The following SRPK2 variants were observed in gnomAD, a reference collection of about 807,000 sequenced individuals.
The protein encoded by SRPK2 is SRSF protein kinase 2.
In SRPK2, 21 loss-of-function variants were observed where a neutral mutation model predicts 90.8. The observed-to-expected ratio is 0.23, with a 90% CI of 0.16 to 0.33. The LOEUF (loss-of-function observed/expected upper bound fraction) is 0.33, where lower values mean the gene tolerates loss of function less well. SRPK2 is among the 10% of genes least tolerant of loss of function. The pLI, the probability that SRPK2 is intolerant of heterozygous loss-of-function variation, is 1.00. For synonymous variants in SRPK2, 288 were observed against 311.1 expected (o/e 0.93, Z 0.78); for missense variants, 620 against 869.0 (o/e 0.71, Z 3.60).
upstream of SRPK2, among the ~76,000 whole-genome samples, chr7:105,392,426 TC>T (rs1822203594): frequency 6.6e-6 from 1 of 152,232 alleles, no homozygotes; most frequent in Non-Finnish European, 1.5e-5. Flanking sequence ...GAATATCTCT[TC>T]CCTGACAATA....
rs571654127 is a variant in SRPK2, at chr7:105,278,271, C to G, written c.72-74486G>C. Among the ~76,000 whole-genome samples the G allele has an allele frequency of 6.1e-4, 91 of 148,442 alleles. No individual in the cohort carries two copies. The Middle Eastern group carries it at 0.01, about 17-fold the overall frequency. On this transcript the variant is annotated intron_variant, in intron 2 of 15. Coordinates refer to ENST00000393651, the MANE Select transcript of SRPK2 (RefSeq NM_182692.3). ...CAGAGGTTGCAGTGAGCTGAGATCA[C>G]GCTACTGCACTCCAGCCTGGGCGAC...
chr7:105,393,568 C>G (rs564897556), upstream of SRPK2, among the ~76,000 whole-genome samples: 18 of 131,786 alleles, frequency 1.4e-4, no homozygotes, highest in African/African-American at 5.1e-4. Context: ...ACAAAAATTA[C>G]TGTCACTATT....
At chr7:105,249,535 C>T (rs1203803630) in intron 2 of SRPK2, among the ~76,000 whole-genome samples, 1 of 151,710 alleles carries the variant, frequency 6.6e-6, no homozygotes, top group African/African-American at 2.4e-5. Flanking sequence ...ACTAAGTTCC[C>T]AGACTCTAAA....
intron 2 of SRPK2, among the ~76,000 whole-genome samples, chr7:105,268,550 A>T (rs1805403831): frequency 6.6e-6 from 1 of 152,224 alleles, no homozygotes; most frequent in Admixed American, 6.5e-5. Flanking sequence ...AACAGCTGTC[A>T]CACATGAACC....
At chr7:105,388,415 G>A (rs994007020) in intron 2 of SRPK2, among the ~76,000 whole-genome samples, 3 of 147,724 alleles carry the variant, frequency 2.0e-5, no homozygotes, top group African/African-American at 7.4e-5. Flanking sequence ...GGGGCGGGAG[G>A]TCGCGGGGTC....
intron 2 of SRPK2, among the ~76,000 whole-genome samples, chr7:105,243,663 C>T (rs965010374): frequency 2.0e-5 from 3 of 146,620 alleles, no homozygotes; most frequent in Non-Finnish European, 4.5e-5. Flanking sequence ...ACATGCCAAG[C>T]AATCTCAAAT....
intron 3 of SRPK2, among the ~76,000 whole-genome samples, chr7:105,172,674 G>A (rs949125294): frequency 1.3e-5 from 2 of 152,114 alleles, no homozygotes; most frequent in Non-Finnish European, 2.9e-5. Context: ...CTAGGTTCAC[G>A]GCTGGAAACT....
chr7:105,118,141 A>G, intron 15 of SRPK2, 119 bp from the exon 16 acceptor site: 1 of 900,266 alleles, frequency 1.1e-6, no homozygotes, highest in Non-Finnish European at 1.7e-6. Context: ...TTGTACAGCA[A>G]CAACAAAGAA....
chr7:105,160,428 C>G, intron 7 of SRPK2, 79 bp downstream of exon 7: 1 of 771,836 alleles, frequency 1.3e-6, no homozygotes, highest in Non-Finnish European at 2.3e-6. Flanking sequence ...AATACATATA[C>G]ATATTTGTAA....
intron 15 of SRPK2, among the ~76,000 whole-genome samples, chr7:105,119,100 C>G (rs1799962030): frequency 6.6e-6 from 1 of 151,738 alleles, no homozygotes. Context: ...GTGCCCACAC[C>G]TCAGAGCAGC....
intron 6 of SRPK2, among the ~76,000 whole-genome samples, 185 bp downstream of exon 6, chr7:105,167,177 AAGTTTCTAAGATGCT>A (rs1181519318): frequency 3.3e-5 from 5 of 152,226 alleles, no homozygotes; most frequent in African/African-American, 1.2e-4. Flanking sequence ...TGTTAAAAAT[AAGTTTCTAAGATGCT>A]ACTCTACCAA....
intron 2 of SRPK2, among the ~76,000 whole-genome samples, chr7:105,295,770 G>T (rs1809734082): frequency 6.6e-6 from 1 of 152,038 alleles, no homozygotes; most frequent in African/African-American, 2.4e-5. Flanking sequence ...TGGTTTTATG[G>T]GATATACATT....
At chr7:105,160,480 C>T (rs1175860435) in intron 7 of SRPK2, 27 bp downstream of exon 7, 11 of 1,402,226 alleles carry the variant, frequency 7.8e-6, no homozygotes, top group East Asian at 4.6e-5. Context: ...GGTACTAGGG[C>T]CTAGGGGCTG....
chr7:105,124,592 G>C (rs1800869461), intron 15 of SRPK2, among the ~76,000 whole-genome samples: 1 of 125,724 alleles, frequency 8.0e-6, no homozygotes, highest in Admixed American at 1.0e-4. Context: ...AGTGAGCCAA[G>C]ATTGCGCCAC....
intron 2 of SRPK2, among the ~76,000 whole-genome samples, chr7:105,360,000 T>C (rs367611150): frequency 1.3e-5 from 2 of 152,156 alleles, no homozygotes; most frequent in Non-Finnish European, 2.9e-5. Context: ...CCATTATTAT[T>C]GTGTGGGAAT....
chr7:105,377,622 T>C (rs1184809458), intron 2 of SRPK2, among the ~76,000 whole-genome samples: 1 of 151,918 alleles, frequency 6.6e-6, no homozygotes, highest in Non-Finnish European at 1.5e-5. Context: ...TGCTTGAACT[T>C]GGGAGGCAGA....
At chr7:105,226,168 CAT>C (rs962891292) in intron 2 of SRPK2, among the ~76,000 whole-genome samples, 10 of 151,828 alleles carry the variant, frequency 6.6e-5, no homozygotes, top group African/African-American at 1.9e-4. Flanking sequence ...ATAAAAGAAA[CAT>C]AAAATAATAT....
chr7:105,173,966 C>T (rs1354657626), intron 3 of SRPK2, among the ~76,000 whole-genome samples: 4 of 148,240 alleles, frequency 2.7e-5, no homozygotes, highest in Non-Finnish European at 4.4e-5. Context: ...AAATCTTAGC[C>T]GGGTGCAGTG....
rs1817789798 is a variant in SRPK2 at position 105,356,429 on chromosome 7, C to A, written c.71+32219G>T. Among the ~76,000 whole-genome samples the A allele has an allele frequency of 1.3e-5, 2 of 152,070 alleles. 1 individual carries two copies. The highest frequency in any genetic ancestry group is 4.1e-4 in the South Asian group (2 of 4,822). ...ACTAGGATAAATGGAATCTGGGCAG[C>A]TGAAAAAATTTTTAAGCCCAGTTTA... is the stretch of plus-strand genomic sequence containing the variant. On this transcript the variant is annotated intron_variant, in intron 2 of 15. Coordinates refer to ENST00000393651, the MANE Select transcript of SRPK2 (RefSeq NM_182692.3).
Sources: allele counts gnomAD v4.1 joint callset (sites outside exome capture counted in the v4.1 genomes callset), GRCh38; gene constraint gnomAD v4.1.1; transcripts MANE v1.5; gene names NCBI Gene and HGNC (gene_info 2026-07-23, HGNC 2026-07-21).